Variants in NFE2L1 observed in about 807,000 individuals in gnomAD.
NFE2L1 encodes NFE2 like bZIP transcription factor 1.
In NFE2L1, 18 loss-of-function variants were observed where a neutral mutation model predicts 61.6. The ratio of observed to expected loss-of-function variants is 0.29; its 90% CI spans 0.20 to 0.43. NFE2L1 has a LOEUF of 0.43. Ranked by LOEUF, NFE2L1 falls within the 20% of genes least tolerant of loss-of-function variation. NFE2L1 has a pLI of 1.00. For missense variants in NFE2L1, 827 were observed against 973.5 expected (o/e 0.85, Z 2.00); for synonymous variants, 419 against 402.7 (o/e 1.04, Z -0.48).
At chr17:48,055,174 A>G in intron 2 of NFE2L1, 1 of 1,331,006 alleles carries the variant, frequency 7.5e-7, no homozygotes, top group Non-Finnish European at 9.6e-7. Flanking sequence ...GGGAGACTAA[A>G]GTAGTACGTC....
Position 48,057,134 on chromosome 17 carries a change from C to G in NFE2L1, c.813+13C>G. 1.2e-6 allele frequency: 2 copies of G among 1,612,044 alleles called. No homozygotes were observed. The highest frequency in any genetic ancestry group is 1.7e-6 in the Non-Finnish European group (2 of 1,179,396). On this transcript the variant is annotated intron_variant, in intron 4 of 5. Coordinates refer to ENST00000362042, the MANE Select transcript of NFE2L1 (RefSeq NM_003204.3). ...GGAGAATGCTGAGGTGAGCAGGACTCCAGTGAGAGTCCACCAAGTGAGCAG... is the reference window on the plus strand; with the variant it reads ...GGAGAATGCTGAGGTGAGCAGGACTGCAGTGAGAGTCCACCAAGTGAGCAG...
Position 48,058,889 on chromosome 17 carries a change from G to A in NFE2L1, c.1567G>A (p.Ala523Thr). 6.2e-7 allele frequency: 1 copy of A among 1,613,684 alleles called. No homozygotes were observed. The highest frequency in any genetic ancestry group is 8.5e-7 in the Non-Finnish European group (1 of 1,180,024). Residue 523 changes from alanine (A) to threonine (T), a missense_variant, in exon 6 of 6, where the codon GCG becomes ACG. Transcript: ENST00000362042. ...CTCTTCCTCCTTTTCTGAGGAAGGTGCGGTTGGCTACAGCTCTGACTCTGA... is the reference window on the plus strand; with the variant it reads ...CTCTTCCTCCTTTTCTGAGGAAGGTACGGTTGGCTACAGCTCTGACTCTGA... ...SASSSFSEEG[A>T]VGYSSDSETL... is the part of the protein sequence containing the mutation.
intron 1 of NFE2L1, 161 bp downstream of exon 1, chr17:48,048,623 G>T (rs1342350072): frequency 1.3e-5 from 2 of 152,926 alleles, no homozygotes; most frequent in African/African-American, 2.4e-5. Flanking sequence ...GCCCCGCGCG[G>T]GGCCGAGAGG....
rs373578734 is a variant in NFE2L1 at position 48,059,445 on chromosome 17, G to A, written c.2123G>A (p.Arg708Gln). The A allele has an allele frequency of 2.5e-6, 4 of 1,614,078 alleles. No individual in the cohort carries two copies. Among genetic ancestry groups the A allele is most frequent in the African/African-American group, 1.3e-5 (1 of 74,924 alleles). Residue 708 changes from arginine to glutamine, a missense_variant, in exon 6 of 6, where the codon CGA (arginine) becomes CAA (glutamine). Arg to Gln is a conservative substitution (Grantham distance 43). This residue lies in a region of NFE2L1 where 86 missense variants were observed against 97.3 expected (regional missense o/e 0.88). Coordinates refer to ENST00000362042, the MANE Select transcript of NFE2L1 (RefSeq NM_003204.3). The surrounding 1 kb of genome is among the most constrained non-coding windows in gnomAD (Gnocchi z 6.1). ...AAAGTGGAGTTCCTGCGCTCCCTGC[G>A]ACAGATGAAGCAGAAGGTCCAGAGC... is the stretch of plus-strand genomic sequence containing the variant. The part of the protein sequence containing the change: ...REKVEFLRSL[R>Q]QMKQKVQSLY...
intron 2 of NFE2L1, among the ~76,000 whole-genome samples, chr17:48,053,489 G>A (rs2037307962): frequency 6.6e-6 from 1 of 152,208 alleles, no homozygotes; most frequent in Non-Finnish European, 1.5e-5. Context: ...TTATCCCTGG[G>A]GTGGCAGTAC....
At position 48,057,023 on chromosome 17, in the gene NFE2L1, T is replaced by C. The variant is rs1163024591; in HGVS notation, c.724-9T>C. ...AGGTCAATCAGACTTACAGTTCCTG[T>C]TGCCACAGGTGCCTAGTGGGGAGGA... On this transcript the variant is annotated splice_polypyrimidine_tract_variant and intron_variant, in intron 3 of 5. Transcript: ENST00000362042. The C allele has an allele frequency of 6.2e-7, 1 of 1,613,904 alleles. No homozygotes were observed. Among genetic ancestry groups the C allele is most frequent in the Non-Finnish European group, 8.5e-7 (1 of 1,179,966 alleles).
Position 48,056,536 on chromosome 17 carries a change from G to A in NFE2L1, c.661G>A (p.Ala221Thr), listed in dbSNP as rs766688443. ...GEQDTWAGEG[A>T]EALARNLLVD... ...GCAGGACACCTGGGCAGGCGAGGGC[G>A]CGGAAGCTCTGGCACGGAACCTGCT... The change falls in exon 3 of 6, where the codon GCG (alanine) becomes ACG (threonine). Residue 221 changes from alanine (A) to threonine (T), a missense_variant. Ala to Thr is a moderately conservative substitution (Grantham distance 58, BLOSUM62 0). This residue lies in a region of NFE2L1 where 667 missense variants were observed against 748.4 expected (regional missense o/e 0.89). Transcript: ENST00000362042. 47 of 1,613,986 alleles carry A rather than the reference G, an allele frequency of 2.9e-5. No homozygotes were observed. The highest frequency in any genetic ancestry group is 1.5e-4 in the African/African-American group (11 of 74,906).
intron 1 of NFE2L1, among the ~76,000 whole-genome samples, chr17:48,049,946 G>A (rs1430396010): frequency 6.6e-6 from 1 of 152,210 alleles, no homozygotes; most frequent in East Asian, 1.9e-4. Context: ...TAGAAGCTGG[G>A]TAATGCGCCT....
intron 2 of NFE2L1, chr17:48,055,074 G>A: frequency 1.3e-6 from 2 of 1,491,078 alleles, no homozygotes; most frequent in Non-Finnish European, 1.8e-6. Flanking sequence ...AAAGGCAGCC[G>A]GCCCCTTAAC....
At chr17:48,052,423 C>T (rs2037277145) in intron 2 of NFE2L1, among the ~76,000 whole-genome samples, 1 of 152,330 alleles carries the variant, frequency 6.6e-6, no homozygotes, top group African/African-American at 2.4e-5. Context: ...TCTCGCTTGC[C>T]ATCCAGCCTT....
chr17:48,055,099 T>C (rs891925379), intron 2 of NFE2L1: 13 of 1,450,830 alleles, frequency 9.0e-6, no homozygotes, highest in Non-Finnish European at 1.2e-5. Flanking sequence ...TGCTGGCTGG[T>C]CACCGGGTGG....
At chr17:48,052,463 C>T (rs1397628493) in intron 2 of NFE2L1, among the ~76,000 whole-genome samples, 2 of 152,190 alleles carry the variant, frequency 1.3e-5, no homozygotes, top group African/African-American at 2.4e-5. Context: ...CCACTGCACT[C>T]CCCTGGCCAT....
intron 2 of NFE2L1, among the ~76,000 whole-genome samples, chr17:48,053,001 A>G (rs894249275): frequency 1.3e-5 from 2 of 152,150 alleles, no homozygotes; most frequent in East Asian, 3.9e-4. Flanking sequence ...AGCTTCTTAC[A>G]GGGCCACTTG....
Position 48,058,980 on chromosome 17 carries a change from G to A in NFE2L1, c.1658G>A (p.Arg553His), listed in dbSNP as rs200636621. ...GYQPEYSKFC[R>H]MSYQDPAQLS... Reference sequence around the variant, plus strand: ...CAGCCTGAGTATTCCAAGTTCTGCCGCATGAGCTACCAGGATCCAGCTCAG... The same window carrying A: ...CAGCCTGAGTATTCCAAGTTCTGCCACATGAGCTACCAGGATCCAGCTCAG... Residue 553 changes from arginine (R) to histidine (H), a missense_variant, in exon 6 of 6, where the codon CGC (arginine) becomes CAC (histidine). Transcript: ENST00000362042. The A allele has an allele frequency of 4.1e-4, 664 of 1,613,978 alleles. 1 individual carries two copies. The highest frequency in any genetic ancestry group is 5.2e-4 in the Non-Finnish European group (613 of 1,180,026).
chr17:48,053,705 A>T (rs933998402), intron 2 of NFE2L1, among the ~76,000 whole-genome samples: 1 of 152,014 alleles, frequency 6.6e-6, no homozygotes, highest in Non-Finnish European at 1.5e-5. Context: ...GTGGGGAGGG[A>T]GCTAAATTTC....
intron 5 of NFE2L1, 56 bp from the exon 6 acceptor site, chr17:48,058,239 G>A: frequency 6.6e-7 from 1 of 1,516,956 alleles, no homozygotes; most frequent in Non-Finnish European, 8.8e-7. Context: ...CAGTGTGTGA[G>A]CCCCAGGGGA....
chr17:48,057,768 G>A (rs2037440376), intron 5 of NFE2L1, among the ~76,000 whole-genome samples: 1 of 152,130 alleles, frequency 6.6e-6, no homozygotes, highest in Admixed American at 6.5e-5. Context: ...TTTCCTTCAG[G>A]CAGATAGGCA....
chr17:48,059,567 C>G lies in NFE2L1; in HGVS notation c.2245C>G (p.Leu749Val), dbSNP rs758423624. ...CCAGTACGCCGGGGACGGCAGTGTC[C>G]TCCTCATCCCCCGCACGATGGCCGA... ...ALQYAGDGSV[L>V]LIPRTMADQQ... is the part of the protein sequence containing the mutation. The change falls in exon 6 of 6, where the codon CTC (leucine) becomes GTC (valine). Residue 749 changes from leucine to valine, a missense_variant. Leu to Val is a conservative substitution (Grantham distance 32). Around this residue, in one of 3 missense-constraint regions of NFE2L1, gnomAD observed 86 missense variants for 97.3 expected, o/e 0.88. Coordinates refer to ENST00000362042, the MANE Select transcript of NFE2L1 (RefSeq NM_003204.3). This position sits in a 1 kb window ranked among gnomAD's most constrained non-coding sequence, Gnocchi z 6.1. 2 of 1,606,570 alleles carry G rather than the reference C, an allele frequency of 1.2e-6. No individual in the cohort carries two copies. The highest frequency in any genetic ancestry group is 1.7e-4 in the Middle Eastern group (1 of 6,040).
At chr17:48,052,976 A>G (rs951654634) in intron 2 of NFE2L1, among the ~76,000 whole-genome samples, 2 of 152,154 alleles carry the variant, frequency 1.3e-5, no homozygotes, top group African/African-American at 4.8e-5. Context: ...CTTACCTTTC[A>G]GGGCCTGTTA....
Sources: gnomAD v4.1 joint callset for allele counts (sites outside exome capture counted in the v4.1 genomes callset) on GRCh38, gnomAD v4.1.1 for gene constraint, gnomAD v4.1.1 regional missense constraint, Gnocchi (gnomAD v3.1) non-coding constraint, MANE v1.5 for transcripts, NCBI Gene and HGNC (gene_info 2026-07-23, HGNC 2026-07-21) for gene names.